SYT16: variants seen among roughly 807,000 people sequenced by gnomAD.
The protein encoded by SYT16 is synaptotagmin 16, also known as synaptotagmin-16.
In SYT16, 42 loss-of-function variants were observed where a neutral mutation model predicts 61.4. That is an observed-to-expected ratio of 0.68 (90% CI 0.53 to 0.89). SYT16 has a LOEUF of 0.89. Ranked by LOEUF, SYT16 falls within the 40% of genes least tolerant of loss-of-function variation. SYT16 has a pLI of 0.00. For missense variants in SYT16, 804 were observed against 807.3 expected (o/e 1.00, Z 0.05); for synonymous variants, 314 against 302.3 (o/e 1.04, Z -0.40).
At chr14:62,029,799 G>GGAGGAGATTGAT (rs1443468215) in intron 3 of SYT16, among the ~76,000 whole-genome samples, 1 of 151,940 alleles carries the variant, frequency 6.6e-6, no homozygotes, top group African/African-American at 2.4e-5. Flanking sequence ...AAAAGTAGTA[G>GGAGGAGATTGAT]GAGGAGATTG....
At chr14:62,060,992 G>A (rs912824923) in intron 3 of SYT16, among the ~76,000 whole-genome samples, 5 of 152,038 alleles carry the variant, frequency 3.3e-5, no homozygotes, top group Non-Finnish European at 5.9e-5. Context: ...TCAAGGTACA[G>A]AGATAATAAA....
rs1295971342 is a variant in SYT16 at position 62,109,925 on chromosome 14, G to C, written c.*9218G>C. The C allele has an allele frequency of 6.6e-6, 1 of 152,158 alleles. No individual in the cohort carries two copies. Among genetic ancestry groups the C allele is most frequent in the African/African-American group, 2.4e-5 (1 of 41,448 alleles). 9.4% of individuals were successfully genotyped at this position (152,158 alleles called of 1,614,324 possible). A position where few individuals can be genotyped will look rare whatever the true frequency, so the allele number is the denominator to read the frequency against. Reference sequence around the variant, plus strand: ...ATGTAAGCATCTGGCTCACACAGCAGCTCTGAATTCTGAATGAAAAGATAA... The same window carrying C: ...ATGTAAGCATCTGGCTCACACAGCACCTCTGAATTCTGAATGAAAAGATAA... On this transcript the variant is annotated 3_prime_UTR_variant, in exon 8 of 8. Transcript: ENST00000683842.
chr14:61,860,899 A>C (rs967468134), intron 1 of SYT16, among the ~76,000 whole-genome samples: 1 of 152,202 alleles, frequency 6.6e-6, no homozygotes, highest in Non-Finnish European at 1.5e-5. Context: ...GCAAGTGTTG[A>C]GGAAGTATTC....
intron 2 of SYT16, among the ~76,000 whole-genome samples, chr14:61,977,917 G>A (rs1322420340): frequency 6.6e-6 from 1 of 152,114 alleles, no homozygotes; most frequent in Non-Finnish European, 1.5e-5. Context: ...GGTGTCAGCA[G>A]GGCCACGATC....
At chr14:62,094,506 T>C (rs2141009365) in intron 7 of SYT16, among the ~76,000 whole-genome samples, 1 of 152,184 alleles carries the variant, frequency 6.6e-6, no homozygotes, top group South Asian at 2.1e-4. Flanking sequence ...GTGGAAGTGT[T>C]ACCATCTCAT....
intron 1 of SYT16, among the ~76,000 whole-genome samples, chr14:61,854,832 T>A (rs376172407): frequency 6.6e-6 from 1 of 150,406 alleles, no homozygotes; most frequent in Non-Finnish European, 1.5e-5. Flanking sequence ...TTATAAAAAC[T>A]GTTGCTTATT....
intron 1 of SYT16, among the ~76,000 whole-genome samples, chr14:61,823,465 A>G (rs10139353): frequency 1.3e-3 from 194 of 150,982 alleles, no homozygotes; most frequent in African/African-American, 4.5e-3. Context: ...GTGGTGGCTA[A>G]TGCCTGTAAT....
At chr14:62,045,606 C>T (rs958893339) in intron 3 of SYT16, among the ~76,000 whole-genome samples, 3 of 152,120 alleles carry the variant, frequency 2.0e-5, no homozygotes, top group Non-Finnish European at 2.9e-5. Flanking sequence ...TCCCCACTTC[C>T]CCCACCCCAC....
At chr14:61,944,776 A>G (rs1295503925) in intron 1 of SYT16, among the ~76,000 whole-genome samples, 1 of 152,248 alleles carries the variant, frequency 6.6e-6, no homozygotes, top group Non-Finnish European at 1.5e-5. Context: ...ACCTAAAACC[A>G]TACAAACCCT....
At chr14:61,929,608 T>A (rs1566688823) in intron 1 of SYT16, among the ~76,000 whole-genome samples, 1 of 152,236 alleles carries the variant, frequency 6.6e-6, no homozygotes, top group Non-Finnish European at 1.5e-5. Context: ...AGTGAAGGCA[T>A]GTCTGAAATA....
chr14:62,062,131 G>C (rs1054690407), intron 3 of SYT16, among the ~76,000 whole-genome samples: 1 of 152,118 alleles, frequency 6.6e-6, no homozygotes. Flanking sequence ...AAGTGCCATC[G>C]CTTTGTTCCT....
At chr14:61,994,551 G>A (rs1292052678) in intron 2 of SYT16, among the ~76,000 whole-genome samples, 1 of 152,166 alleles carries the variant, frequency 6.6e-6, no homozygotes, top group Non-Finnish European at 1.5e-5. Flanking sequence ...TAATTGAAAT[G>A]TAGGGATGGG....
At chr14:62,074,718 C>T (rs1459752953) in intron 4 of SYT16, among the ~76,000 whole-genome samples, 1 of 152,082 alleles carries the variant, frequency 6.6e-6, no homozygotes, top group Non-Finnish European at 1.5e-5. Context: ...GCTTTTTGAG[C>T]AGAGGGTAAT....
intron 1 of SYT16, among the ~76,000 whole-genome samples, chr14:61,837,804 G>A (rs908604938): frequency 1.3e-5 from 2 of 152,172 alleles, no homozygotes; most frequent in African/African-American, 4.8e-5. Context: ...GCCATGTTTG[G>A]GAACTGTACT....
At position 61,996,137 on chromosome 14, in the gene SYT16, G is replaced by A; in HGVS notation, c.118G>A (p.Val40Ile). ...QAGDMLSASL[V>I]NISKQDSKLS... ...AGGAGATATGTTATCTGCTTCGCTGGTTAACATAAGCAAACAAGACTCTAA... is the reference window on the plus strand; with the variant it reads ...AGGAGATATGTTATCTGCTTCGCTGATTAACATAAGCAAACAAGACTCTAA... The change falls in exon 3 of 8, where the codon GTT becomes ATT. Residue 40 changes from valine (V) to isoleucine (I), a missense_variant. Coordinates refer to ENST00000683842, the MANE Select transcript of SYT16 (RefSeq NM_001367656.1). 6.2e-7 allele frequency: 1 copy of A among 1,613,388 alleles called. No individual in the cohort carries two copies. Among genetic ancestry groups the A allele is most frequent in the Non-Finnish European group, 8.5e-7 (1 of 1,179,538 alleles).
intron 3 of SYT16, among the ~76,000 whole-genome samples, chr14:62,018,298 C>CTTCTTTTTTTT (rs1566768738): frequency 1.9e-5 from 1 of 51,622 alleles, no homozygotes; most frequent in Non-Finnish European, 3.3e-5. Flanking sequence ...TCTTCTTCTT[C>CTTCTTTTTTTT]TTTTTTTTTT....
chr14:61,820,901 T>G (rs2045600571), intron 1 of SYT16, among the ~76,000 whole-genome samples: 1 of 152,208 alleles, frequency 6.6e-6, no homozygotes, highest in African/African-American at 2.4e-5. Flanking sequence ...GGTGCTGACC[T>G]TAGCCATCCA....
rs531244102 is a variant in SYT16, at chr14:61,902,431, A to T, written c.-324-67701A>T. 5.9e-5 allele frequency among the ~76,000 whole-genome samples: 9 copies of T among 152,234 alleles called. No homozygotes were observed. The South Asian group carries it at 1.9e-3, about 32-fold the overall frequency. On this transcript the variant is annotated intron_variant, in intron 1 of 7. Transcript: ENST00000683842. ...CACCCATTACAGGTACAGTTAAGTG[A>T]TTTCTTCCTCTGTGTTCCCATCATA...
rs192332654 is a variant in SYT16, at chr14:61,977,839, A to C, written c.-145+7528A>C. On this transcript the variant is annotated intron_variant, in intron 2 of 7. Coordinates refer to ENST00000683842, the MANE Select transcript of SYT16 (RefSeq NM_001367656.1). ...TATGGCTGCCATAACAAATAACTAC[A>C]AATTTGTTGTCTTAAAACAACATAA... Among the ~76,000 whole-genome samples, 265 of 152,326 alleles carry C rather than the reference A, an allele frequency of 1.7e-3. 1 individual carries two copies. The highest frequency in any genetic ancestry group is 3.4e-3 in the Middle Eastern group (1 of 294).
Sources: allele counts gnomAD v4.1 joint callset (sites outside exome capture counted in the v4.1 genomes callset), GRCh38; gene constraint gnomAD v4.1.1; transcripts MANE v1.5; gene names NCBI Gene and HGNC (gene_info 2026-07-23, HGNC 2026-07-21).